The following PTPRD variants were observed in gnomAD, a reference collection of about 807,000 sequenced individuals.
PTPRD encodes the protein receptor-type tyrosine-protein phosphatase delta.
PTPRD carries 34 observed loss-of-function variants against 214.5 expected under a neutral mutation model. The observed-to-expected ratio is 0.16, with a 90% CI of 0.12 to 0.21. PTPRD has a LOEUF of 0.21. Ranked by LOEUF, PTPRD falls within the 10% of genes least tolerant of loss-of-function variation. PTPRD has a pLI of 1.00. For synonymous variants in PTPRD, 1,128 were observed against 845.7 expected (o/e 1.33, Z -5.79); for missense variants, 2,545 against 2,398.7 (o/e 1.06, Z -1.27).
At chr9:10,170,003 C>G (rs977921836) in intron 3 of PTPRD, among the ~76,000 whole-genome samples, 5 of 151,814 alleles carry the variant, frequency 3.3e-5, no homozygotes, top group African/African-American at 1.2e-4. Flanking sequence ...CAATATGATA[C>G]TCTCTTATCA....
At chr9:9,797,073 C>T (rs1407549019) in intron 5 of PTPRD, among the ~76,000 whole-genome samples, 2 of 151,932 alleles carry the variant, frequency 1.3e-5, no homozygotes, top group African/African-American at 4.8e-5. Flanking sequence ...AGTGGTCACA[C>T]ACTGTACTTT....
chr9:9,835,287 C>T (rs1308726738), intron 5 of PTPRD, among the ~76,000 whole-genome samples: 2 of 152,012 alleles, frequency 1.3e-5, no homozygotes, highest in Non-Finnish European at 2.9e-5. Flanking sequence ...CCATACAACC[C>T]CTGAGACTTT....
At chr9:9,102,930 G>T (rs535993366) in intron 10 of PTPRD, among the ~76,000 whole-genome samples, 42 of 152,122 alleles carry the variant, frequency 2.8e-4, no homozygotes, top group Admixed American at 4.6e-4. Context: ...TTGTTTTCTT[G>T]CAAATAGAAA....
chr9:10,107,992 G>A (rs1450969511), intron 3 of PTPRD, among the ~76,000 whole-genome samples: 3 of 152,018 alleles, frequency 2.0e-5, no homozygotes, highest in Non-Finnish European at 2.9e-5. Context: ...TGCACTTGGA[G>A]GCAAATGGCA....
chr9:8,664,186 T>C (rs931264761), intron 12 of PTPRD, among the ~76,000 whole-genome samples: 4 of 152,194 alleles, frequency 2.6e-5, no homozygotes, highest in African/African-American at 9.6e-5. Flanking sequence ...TTTACACCTA[T>C]CATCAAATAA....
chr9:9,930,997 A>G (rs2086294149), intron 5 of PTPRD, among the ~76,000 whole-genome samples: 1 of 152,104 alleles, frequency 6.6e-6, no homozygotes, highest in African/African-American at 2.4e-5. Context: ...TATGCTTTTA[A>G]CACAAATAGA....
At chr9:8,327,902 G>C (rs972625379) in intron 44 of PTPRD, among the ~76,000 whole-genome samples, 1 of 152,114 alleles carries the variant, frequency 6.6e-6, no homozygotes, top group African/African-American at 2.4e-5. Context: ...TTGAGCCTAT[G>C]TGTGTCTTTG....
chr9:9,976,265 C>A (rs1234495356), intron 4 of PTPRD, among the ~76,000 whole-genome samples: 1 of 152,064 alleles, frequency 6.6e-6, no homozygotes, highest in Non-Finnish European at 1.5e-5. Context: ...AAACTTAACT[C>A]CCAGCCATTT....
At chr9:9,976,689 C>CAAAAAAAGAAAAAAAAAAAAAAAAAAAAA (rs2095365571) in intron 4 of PTPRD, among the ~76,000 whole-genome samples, 1 of 63,268 alleles carries the variant, frequency 1.6e-5, no homozygotes, top group African/African-American at 7.7e-5. Context: ...ACCCTGCCAC[C>CAAAAAAAGAAAAAAAAAAAAAAAAAAAAA]AAAAAAAAAA....
intron 43 of PTPRD, among the ~76,000 whole-genome samples, chr9:8,334,701 G>GAGAT (rs973135405): frequency 1.1e-4 from 11 of 102,988 alleles, no homozygotes; most frequent in Non-Finnish European, 1.3e-4. Context: ...AGAACTGAAG[G>GAGAT]AGATAGACAC....
intron 2 of PTPRD, among the ~76,000 whole-genome samples, chr9:10,578,453 T>C (rs904188409): frequency 6.6e-6 from 1 of 152,146 alleles, no homozygotes; most frequent in African/African-American, 2.4e-5. Flanking sequence ...TATACAAAAA[T>C]GCAGATTACC....
chr9:10,266,607 G>A (rs2094077156), intron 3 of PTPRD, among the ~76,000 whole-genome samples: 2 of 152,102 alleles, frequency 1.3e-5, no homozygotes, highest in South Asian at 4.1e-4. Flanking sequence ...GTGTATTTGT[G>A]CGGCATGGGG....
intron 9 of PTPRD, among the ~76,000 whole-genome samples, chr9:9,326,169 T>A (rs2039795505): frequency 6.6e-6 from 1 of 152,220 alleles, no homozygotes; most frequent in East Asian, 1.9e-4. Flanking sequence ...AGAGAAAGTG[T>A]GACTTAATGA....
At chr9:8,791,917 C>G (rs908294804) in intron 11 of PTPRD, among the ~76,000 whole-genome samples, 3 of 152,078 alleles carry the variant, frequency 2.0e-5, no homozygotes, top group South Asian at 2.1e-4. Context: ...AATGGACAGC[C>G]AGACCTTTAT....
At chr9:9,279,487 T>A (rs1345052852) in intron 9 of PTPRD, among the ~76,000 whole-genome samples, 1 of 150,246 alleles carries the variant, frequency 6.7e-6, no homozygotes, top group African/African-American at 2.4e-5. Flanking sequence ...TAATGATATA[T>A]AGAACAATTT....
intron 10 of PTPRD, among the ~76,000 whole-genome samples, chr9:9,095,637 T>G (rs2099782382): frequency 6.6e-6 from 1 of 152,144 alleles, no homozygotes; most frequent in African/African-American, 2.4e-5. Flanking sequence ...TTGGACAGTC[T>G]TTAATACACT....
intron 39 of PTPRD, among the ~76,000 whole-genome samples, chr9:8,370,746 G>A (rs1011748309): frequency 5.3e-5 from 8 of 152,060 alleles, no homozygotes; most frequent in African/African-American, 1.9e-4. Context: ...CAAAGGGACA[G>A]CAGAAAGGGG....
At chr9:10,538,258 AT>A (rs2058308540) in intron 2 of PTPRD, among the ~76,000 whole-genome samples, 5 of 142,222 alleles carry the variant, frequency 3.5e-5, no homozygotes, top group Admixed American at 2.1e-4. Flanking sequence ...AAATAAATAA[AT>A]AAATAAATAA....
Position 8,616,226 on chromosome 9 carries a change from G to A in PTPRD, c.352+17091C>T, listed in dbSNP as rs545766624. Among the ~76,000 whole-genome samples the A allele has an allele frequency of 1.8e-4, 28 of 152,076 alleles. 2 individuals carry two copies. The highest frequency in any genetic ancestry group is 2.9e-4 in the African/African-American group (12 of 41,520). ...CAGTACAAATCAATTGAAGTGCAAC[G>A]GGCCAATGAACTTATCAGAAAGACA... On this transcript the variant is annotated intron_variant, in intron 14 of 45. Transcript: ENST00000381196.
Sources: allele counts gnomAD v4.1 joint callset (sites outside exome capture counted in the v4.1 genomes callset), GRCh38; gene constraint gnomAD v4.1.1; transcripts MANE v1.5; gene names NCBI Gene and HGNC (gene_info 2026-07-23, HGNC 2026-07-21).